PDLIM5: variants seen among roughly 807,000 people sequenced by gnomAD.
PDLIM5 encodes the protein PDZ and LIM domain protein 5.
In PDLIM5, 34 loss-of-function variants were observed where a neutral mutation model predicts 64.2. The ratio of observed to expected loss-of-function variants is 0.53; its 90% CI spans 0.40 to 0.71. The LOEUF (loss-of-function observed/expected upper bound fraction) is 0.71. Among genes scored for constraint, PDLIM5 ranks in the 30% least tolerant of loss-of-function variants. The pLI, the probability that PDLIM5 is intolerant of heterozygous loss-of-function variation, is 0.00. For missense variants in PDLIM5, 683 were observed against 733.6 expected (o/e 0.93, Z 0.80); for synonymous variants, 253 against 269.1 (o/e 0.94, Z 0.59).
Position 94,585,704 on chromosome 4 carries a change from C to A in PDLIM5, c.850C>A (p.Arg284=), listed in dbSNP as rs772427411. The A allele has an allele frequency of 6.2e-7, 1 of 1,613,746 alleles. No individual in the cohort carries two copies. The highest frequency in any genetic ancestry group is 2.2e-5 in the East Asian group (1 of 44,864). Residue 284 remains arginine, a synonymous_variant, in exon 6 of 13, where the codon CGA becomes AGA. Transcript: ENST00000317968. ...TGGAACAACTCAGTCTCGCTCTTTC[C>A]GAATCCTTGCCCAGATCACTGGGAC... ...RTGTTQSRSF[R]ILAQITGTEH... is the part of the protein sequence containing the mutation.
intron 8 of PDLIM5, among the ~76,000 whole-genome samples, chr4:94,638,165 C>T (rs1740722832): frequency 6.6e-6 from 1 of 152,114 alleles, no homozygotes; most frequent in South Asian, 2.1e-4. Flanking sequence ...CTGGAGAAAA[C>T]ATATTTGGTG....
chr4:94,659,351 C>T (rs1742468680), intron 11 of PDLIM5, among the ~76,000 whole-genome samples: 1 of 152,120 alleles, frequency 6.6e-6, no homozygotes, highest in South Asian at 2.1e-4. Flanking sequence ...TCCACTAAAG[C>T]TAACTAAAGC....
intron 8 of PDLIM5, among the ~76,000 whole-genome samples, chr4:94,632,419 A>G (rs564311063): frequency 3.2e-4 from 49 of 152,220 alleles, no homozygotes; most frequent in Non-Finnish European, 5.6e-4. Flanking sequence ...ACTTTTTACT[A>G]TAGAAAAATG....
At chr4:94,573,774 A>G (rs140960001) in intron 4 of PDLIM5, 7 of 202,220 alleles carry the variant, frequency 3.5e-5, no homozygotes, top group African/African-American at 1.4e-4. Context: ...GTGCTTAATT[A>G]CATTTCAGAG....
chr4:94,597,031 C>G (rs2110341387), intron 7 of PDLIM5, among the ~76,000 whole-genome samples: 1 of 152,232 alleles, frequency 6.6e-6, no homozygotes. Context: ...GAATTTATAT[C>G]TTTGAACAGA....
At position 94,666,110 on chromosome 4, in the gene PDLIM5, G is replaced by A; in HGVS notation, c.*2043G>A. On this transcript the variant is annotated 3_prime_UTR_variant, in exon 13 of 13. Coordinates refer to ENST00000317968, the MANE Select transcript of PDLIM5 (RefSeq NM_006457.5). The stretch of plus-strand genomic sequence containing the variant: ...TTTTATAGTCGAGACAGAGCCCTAG[G>A]TCCTTCCTGCCCCATCACTCACTTA... The A allele has an allele frequency of 1.8e-6, 2 of 1,108,774 alleles. No homozygotes were observed. The highest frequency in any genetic ancestry group is 2.6e-6 in the Non-Finnish European group (2 of 768,868). The allele number at this position is 1,108,774 out of a possible 1,614,324, so 68.7% of individuals were successfully genotyped here.
intron 5 of PDLIM5, among the ~76,000 whole-genome samples, chr4:94,582,317 A>T (rs1031398881): frequency 1.3e-5 from 2 of 152,182 alleles, no homozygotes; most frequent in African/African-American, 4.8e-5. Context: ...TGTTAAGAAC[A>T]TAATAAGAAT....
At position 94,464,267 on chromosome 4, in the gene PDLIM5, G is replaced by A. The variant is rs1724150952; in HGVS notation, c.96+8883G>A. 3.3e-5 allele frequency among the ~76,000 whole-genome samples: 5 copies of A among 152,138 alleles called. No homozygotes were observed. The South Asian group carries it at 1.0e-3, about 31-fold the overall frequency. On this transcript the variant is annotated intron_variant, in intron 2 of 12. Coordinates refer to ENST00000317968, the MANE Select transcript of PDLIM5 (RefSeq NM_006457.5). Reference sequence around the variant, plus strand: ...CACTGTACTTCATGATAATTGTCCTGGCTAAATTTTAATTGAAGAAAAGAG... The same window carrying A: ...CACTGTACTTCATGATAATTGTCCTAGCTAAATTTTAATTGAAGAAAAGAG...
intron 7 of PDLIM5, among the ~76,000 whole-genome samples, chr4:94,604,831 A>T (rs945671452): frequency 1.3e-5 from 2 of 152,164 alleles, no homozygotes; most frequent in Admixed American, 1.3e-4. Context: ...AAAATCGTTA[A>T]GATAGTAAGT....
chr4:94,638,730 T>G (rs1048041585), intron 8 of PDLIM5, among the ~76,000 whole-genome samples: 1 of 152,264 alleles, frequency 6.6e-6, no homozygotes, highest in African/African-American at 2.4e-5. Context: ...TCTCTTCCAT[T>G]AGATTTTAAT....
chr4:94,551,590 T>G (rs969687610), intron 3 of PDLIM5, among the ~76,000 whole-genome samples: 6 of 152,154 alleles, frequency 3.9e-5, no homozygotes, highest in African/African-American at 1.4e-4. Context: ...GCTTATTCAT[T>G]TCATCTCCCC....
At chr4:94,469,529 G>A (rs567984136) in intron 2 of PDLIM5, among the ~76,000 whole-genome samples, 1 of 152,292 alleles carries the variant, frequency 6.6e-6, no homozygotes, top group African/African-American at 2.4e-5. Context: ...AATGCTGTGA[G>A]CAAGGAGGAA....
rs915411292 is a variant in PDLIM5, at chr4:94,456,940, G to A, written c.96+1556G>A. On this transcript the variant is annotated intron_variant, in intron 2 of 12. Coordinates refer to ENST00000317968, the MANE Select transcript of PDLIM5 (RefSeq NM_006457.5). ...TGTGCGCTCACATGACTGTATGGAA[G>A]AGCTGGCTTTCCAACAGTTATGCTG... 3 of 991,186 alleles carry A rather than the reference G, an allele frequency of 3.0e-6. No individual in the cohort carries two copies. The African/African-American group carries it at 5.2e-5, about 17-fold the overall frequency. The allele number at this position is 991,186 out of a possible 1,614,324, so 61.4% of individuals were successfully genotyped here. A position where few individuals can be genotyped will look rare whatever the true frequency, so the allele number is the denominator to read the frequency against.
chr4:94,564,656 C>CTTTTTTTTTTTTTTTT (rs768721210), intron 3 of PDLIM5, among the ~76,000 whole-genome samples: 3 of 104,506 alleles, frequency 2.9e-5, no homozygotes, highest in Admixed American at 1.1e-4. Context: ...AATTTTGTCT[C>CTTTTTTTTTTTTTTTT]TTTTTTTTTT....
At position 94,582,722 on chromosome 4, in the gene PDLIM5, C is replaced by T. The variant is rs372956957; in HGVS notation, c.711-2843C>T. Reference sequence around the variant, plus strand: ...GTGTGTTATTCTTCCCTCAGTAACCCTGGCACTGTGTAAGTACTTAACCAA... The same window carrying T: ...GTGTGTTATTCTTCCCTCAGTAACCTTGGCACTGTGTAAGTACTTAACCAA... On this transcript the variant is annotated intron_variant, in intron 5 of 12. Coordinates refer to ENST00000317968, the MANE Select transcript of PDLIM5 (RefSeq NM_006457.5). The T allele has an allele frequency of 2.0e-5, 32 of 1,578,726 alleles. No individual in the cohort carries two copies. The African/African-American group carries it at 3.5e-4, about 17-fold the overall frequency.
chr4:94,642,527 C>A (rs530616970), intron 9 of PDLIM5, among the ~76,000 whole-genome samples: 2 of 152,242 alleles, frequency 1.3e-5, no homozygotes, highest in East Asian at 3.9e-4. Context: ...TTATTGCTCC[C>A]TCATCTGTTA....
intron 9 of PDLIM5, among the ~76,000 whole-genome samples, chr4:94,646,093 C>T (rs547723620): frequency 1.6e-4 from 25 of 152,204 alleles, no homozygotes; most frequent in South Asian, 2.1e-4. Flanking sequence ...TTTTGTGTGC[C>T]GCTGTCCTTA....
intron 2 of PDLIM5, among the ~76,000 whole-genome samples, chr4:94,478,911 T>TTTTTTTTTTTTTTTTTTTG (rs1560642911): frequency 6.9e-6 from 1 of 145,298 alleles, no homozygotes; most frequent in African/African-American, 2.7e-5. Flanking sequence ...TTTTTTTTTT[T>TTTTTTTTTTTTTTTTTTTG]TTTTTTAAGA....
chr4:94,560,713 A>G lies in PDLIM5; in HGVS notation c.249-12638A>G, dbSNP rs535597497. On this transcript the variant is annotated intron_variant, in intron 3 of 12. Coordinates refer to ENST00000317968, the MANE Select transcript of PDLIM5 (RefSeq NM_006457.5). ...TTATACTTATCAAATTAACCAGGCT[A>G]AGACTTAGATGTTTGTTTTGTTTTG... 1.5e-4 allele frequency among the ~76,000 whole-genome samples: 23 copies of G among 152,204 alleles called. No homozygotes were observed. The South Asian group carries it at 3.7e-3, about 25-fold the overall frequency.
Sources: allele counts gnomAD v4.1 joint callset (sites outside exome capture counted in the v4.1 genomes callset), GRCh38; gene constraint gnomAD v4.1.1; transcripts MANE v1.5; gene names NCBI Gene and HGNC (gene_info 2026-07-23, HGNC 2026-07-21).